Variants in CCT2 observed in about 807,000 individuals in gnomAD.
The protein encoded by CCT2 is chaperonin containing TCP1 subunit 2.
Under a neutral mutation model 61.8 loss-of-function variants are expected in CCT2, and 18 were observed. That is an observed-to-expected ratio of 0.29 (90% CI 0.20 to 0.43). The LOEUF (loss-of-function observed/expected upper bound fraction) is 0.43, where lower values mean the gene tolerates loss of function less well. Ranked by LOEUF, CCT2 falls within the 20% of genes least tolerant of loss-of-function variation. The pLI is 1.00. For missense variants in CCT2, 556 were observed against 656.9 expected (o/e 0.85, Z 1.68); for synonymous variants, 248 against 215.9 (o/e 1.15, Z -1.30).
rs181019976 is a variant in CCT2, at chr12:69,599,960, A to G, written c.1533A>G (p.Ala511=). 3.8e-5 allele frequency: 61 copies of G among 1,613,900 alleles called. No individual in the cohort carries two copies. Among genetic ancestry groups the G allele is most frequent in the Non-Finnish European group, 4.7e-5 (56 of 1,179,834 alleles). ...RQVLLSAAEA[A]EVILRVDNII... ...TTCTTCTGAGTGCAGCTGAAGCAGC[A>G]GAGGTGATTCTGCGTGTGGACAACA... Residue 511 remains alanine, a synonymous_variant, in exon 15 of 16, where the codon GCA becomes GCG. Coordinates refer to ENST00000299300, the MANE Select transcript of CCT2 (RefSeq NM_006431.3).
rs1013956616 is a variant in CCT2 at position 69,601,419 on chromosome 12, G to T, written c.*94G>T. On this transcript the variant is annotated 3_prime_UTR_variant, in exon 16 of 16. Coordinates refer to ENST00000299300, the MANE Select transcript of CCT2 (RefSeq NM_006431.3). Reference sequence around the variant, plus strand: ...AAGAAGACTGTGGAATCTGTTTATCGGTGCCCATTATATCCTTAAGTTTGG... The same window carrying T: ...AAGAAGACTGTGGAATCTGTTTATCTGTGCCCATTATATCCTTAAGTTTGG... 1 of 1,609,930 alleles carries T rather than the reference G, an allele frequency of 6.2e-7. No homozygotes were observed. The highest frequency in any genetic ancestry group is 1.3e-5 in the African/African-American group (1 of 74,674).
chr12:69,597,792 T>C, intron 12 of CCT2, 26 bp downstream of exon 12: 1 of 1,585,314 alleles, frequency 6.3e-7, no homozygotes, highest in African/African-American at 1.4e-5. Flanking sequence ...ATGTTGAATA[T>C]ATTTTTAATT....
intron 10 of CCT2, among the ~76,000 whole-genome samples, chr12:69,595,501 A>T (rs558622364): frequency 1.3e-5 from 2 of 152,122 alleles, no homozygotes; most frequent in Non-Finnish European, 1.5e-5. Context: ...CAGCCTGGTC[A>T]ATATGGTGAA....
At chr12:69,595,710 T>C (rs1003806605) in intron 10 of CCT2, among the ~76,000 whole-genome samples, 1 of 133,934 alleles carries the variant, frequency 7.5e-6, no homozygotes, top group Non-Finnish European at 1.6e-5. Context: ...AAAAAAAAGA[T>C]GTAAGAAGTA....
At chr12:69,590,662 G>C (rs1443633020) in intron 7 of CCT2, among the ~76,000 whole-genome samples, 1 of 151,208 alleles carries the variant, frequency 6.6e-6, no homozygotes, top group Non-Finnish European at 1.5e-5. Flanking sequence ...TTAAGAGAGA[G>C]TCATAATTCT....
Position 69,591,003 on chromosome 12 carries a change from G to A in CCT2, c.650-1056G>A, listed in dbSNP as rs146903317. On this transcript the variant is annotated intron_variant, in intron 7 of 15. Coordinates refer to ENST00000299300, the MANE Select transcript of CCT2 (RefSeq NM_006431.3). Reference sequence around the variant, plus strand: ...CAAAGTACTGGGATTACAGGCGTGAGCCACCATGCCTGGCCGCTGCGTAGC... The same window carrying A: ...CAAAGTACTGGGATTACAGGCGTGAACCACCATGCCTGGCCGCTGCGTAGC... Among the ~76,000 whole-genome samples the A allele has an allele frequency of 6.8e-3, 1,035 of 152,294 alleles. 14 individuals carry two copies. Among genetic ancestry groups the A allele is most frequent in the African/African-American group, 0.024 (995 of 41,538 alleles).
chr12:69,593,757 A>G, intron 10 of CCT2, 144 bp downstream of exon 10: 1 of 534,056 alleles, frequency 1.9e-6, no homozygotes. Context: ...TTTAATTTAG[A>G]TACATAGATA....
chr12:69,595,168 A>C (rs1199675415), intron 10 of CCT2, among the ~76,000 whole-genome samples: 1 of 152,126 alleles, frequency 6.6e-6, no homozygotes, highest in South Asian at 2.1e-4. Flanking sequence ...ACCTTTGGAG[A>C]GTGGACTTGG....
intron 3 of CCT2, chr12:69,587,201 A>C (rs998542406): frequency 2.9e-6 from 1 of 341,824 alleles, no homozygotes; most frequent in African/African-American, 2.1e-5. Context: ...TTAACTGTCA[A>C]ATATTATCCT....
intron 7 of CCT2, 60 bp downstream of exon 7, chr12:69,589,747 T>G (rs1881778620): frequency 7.4e-7 from 1 of 1,351,908 alleles, no homozygotes; most frequent in East Asian, 2.3e-5. Flanking sequence ...GAATACTGAG[T>G]GAATTCTGTT....
At chr12:69,596,453 C>T (rs906635018) in intron 10 of CCT2, among the ~76,000 whole-genome samples, 2 of 152,014 alleles carry the variant, frequency 1.3e-5, no homozygotes, top group African/African-American at 4.8e-5. Flanking sequence ...AAATAGGGAA[C>T]GAAGTGGCTG....
chr12:69,599,176 C>A (rs1882079674), intron 14 of CCT2, among the ~76,000 whole-genome samples: 1 of 151,414 alleles, frequency 6.6e-6, no homozygotes. Flanking sequence ...AGCCTTGAAC[C>A]CCTGGCTCAA....
intron 2 of CCT2, 101 bp downstream of exon 2, chr12:69,586,445 A>G (rs1593093633): frequency 1.2e-6 from 1 of 838,276 alleles, no homozygotes; most frequent in Non-Finnish European, 2.0e-6. Context: ...AGGTAGGCGG[A>G]TGAACTGAGG....
intron 13 of CCT2, 53 bp from the exon 14 acceptor site, chr12:69,598,269 T>A (rs1465901513): frequency 1.5e-6 from 2 of 1,293,912 alleles, no homozygotes; most frequent in Non-Finnish European, 2.2e-6. Context: ...TAGGAGTAAA[T>A]CAGTGGTTCT....
intron 7 of CCT2, among the ~76,000 whole-genome samples, chr12:69,590,569 A>G (rs1881805893): frequency 6.6e-6 from 1 of 152,082 alleles, no homozygotes; most frequent in Non-Finnish European, 1.5e-5. Flanking sequence ...AAAAAAAAAG[A>G]ATTAGATGGT....
intron 11 of CCT2, 64 bp downstream of exon 11, chr12:69,597,339 G>C: frequency 3.8e-6 from 6 of 1,570,344 alleles, no homozygotes; most frequent in Non-Finnish European, 5.2e-6. Flanking sequence ...TTGAAGTAAA[G>C]GTTATTGTAG....
intron 10 of CCT2, among the ~76,000 whole-genome samples, chr12:69,596,711 A>G (rs997151356): frequency 6.6e-6 from 1 of 152,196 alleles, no homozygotes; most frequent in Admixed American, 6.5e-5. Context: ...TGGGAATTGT[A>G]TCATGAGGTC....
At chr12:69,591,672 T>A (rs3858594) in intron 7 of CCT2, among the ~76,000 whole-genome samples, 29,614 of 152,266 alleles carry the variant, frequency 0.19, 3,140 homozygotes, top group Middle Eastern at 0.31. Context: ...TCATATTTTT[T>A]AAGTAACCCA....
At chr12:69,589,416 C>A in intron 6 of CCT2, 69 bp from the exon 7 acceptor site, 2 of 1,055,402 alleles carry the variant, frequency 1.9e-6, no homozygotes, top group Admixed American at 1.9e-5. Context: ...TATCTATTGA[C>A]ATGAATATCT....
Sources: allele counts gnomAD v4.1 joint callset (sites outside exome capture counted in the v4.1 genomes callset), GRCh38; gene constraint gnomAD v4.1.1; transcripts MANE v1.5; gene names NCBI Gene and HGNC (gene_info 2026-07-23, HGNC 2026-07-21).